LRMDA: variants seen among roughly 807,000 people sequenced by gnomAD.
The protein encoded by LRMDA is leucine rich melanocyte differentiation associated, also known as leucine-rich melanocyte differentiation-associated protein.
Under a neutral mutation model 29.8 loss-of-function variants are expected in LRMDA, and 18 were observed. That is an observed-to-expected ratio of 0.60 (90% CI 0.42 to 0.90). The LOEUF is 0.90. Ranked by LOEUF, LRMDA falls within the 40% of genes least tolerant of loss-of-function variation. LRMDA has a pLI of 0.00. For missense variants in LRMDA, 273 were observed against 273.9 expected, an observed-to-expected ratio of 1.00 and a Z score of 0.02; for synonymous variants, 125 against 109.4, an observed-to-expected ratio of 1.14 and a Z score of -0.89.
At position 76,169,356 on chromosome 10, in the gene LRMDA, T is replaced by C. The variant is rs1381353759; in HGVS notation, c.516+110573T>C. On this transcript the variant is annotated intron_variant, in intron 5 of 6. Coordinates refer to ENST00000611255, the MANE Select transcript of LRMDA (RefSeq NM_001305581.2). ...ACATTTTTAAATACTCTTTTAGCCA[T>C]GGTCTTGGGAGCCCCTGAAATATTC... Among the ~76,000 whole-genome samples the C allele has an allele frequency of 2.0e-5, 3 of 152,322 alleles. No individual in the cohort carries two copies. The East Asian group carries it at 5.8e-4, about 29-fold the overall frequency.
At chr10:76,521,917 C>A (rs1843125413) in intron 6 of LRMDA, among the ~76,000 whole-genome samples, 1 of 152,056 alleles carries the variant, frequency 6.6e-6, no homozygotes, top group African/African-American at 2.4e-5. Flanking sequence ...CAATATCTCC[C>A]CAAAAGTGTG....
intron 6 of LRMDA, among the ~76,000 whole-genome samples, chr10:76,508,380 C>T (rs1010544822): frequency 6.6e-6 from 1 of 152,160 alleles, no homozygotes; most frequent in South Asian, 2.1e-4. Context: ...ATTTTCTACT[C>T]TCATCACTTC....
At chr10:76,034,236 A>G (rs1589296804) in intron 2 of LRMDA, among the ~76,000 whole-genome samples, 1 of 151,794 alleles carries the variant, frequency 6.6e-6, no homozygotes, top group East Asian at 2.0e-4. Context: ...GTAGATATTT[A>G]TGGGTCACAT....
At chr10:76,169,081 C>A (rs1564673536) in intron 5 of LRMDA, among the ~76,000 whole-genome samples, 1 of 152,158 alleles carries the variant, frequency 6.6e-6, no homozygotes, top group Non-Finnish European at 1.5e-5. Context: ...GAAAATCAGT[C>A]TTTCTTTCCT....
At chr10:76,119,313 G>A (rs1345873223) in intron 5 of LRMDA, among the ~76,000 whole-genome samples, 2 of 152,132 alleles carry the variant, frequency 1.3e-5, no homozygotes, top group Non-Finnish European at 2.9e-5. Flanking sequence ...TGGCAGGGCA[G>A]CATAGATTGC....
In LRMDA at chr10:76,422,738, G is replaced by T. The variant is rs1371012258; in HGVS notation, c.601+98253G>T. On this transcript the variant is annotated intron_variant, in intron 6 of 6. Transcript: ENST00000611255. ...TTTGATGGAAATAACTATTTTGGAA[G>T]AATAGAAGTGAAAGGTTTGCTGTTG... Among the ~76,000 whole-genome samples, 8 of 152,196 alleles carry T rather than the reference G, an allele frequency of 5.3e-5. No individual in the cohort carries two copies. The South Asian group carries it at 1.2e-3, about 24-fold the overall frequency.
At chr10:76,243,595 C>T (rs1268624007) in intron 5 of LRMDA, among the ~76,000 whole-genome samples, 4 of 152,138 alleles carry the variant, frequency 2.6e-5, no homozygotes, top group Non-Finnish European at 4.4e-5. Context: ...CTTAAGCTTC[C>T]ACTTGGTCAC....
chr10:75,450,980 A>G (rs531365677), intron 2 of LRMDA: 3 of 152,364 alleles, frequency 2.0e-5, no homozygotes, highest in African/African-American at 7.2e-5. Context: ...GTTTCTGGGG[A>G]GACACTAGCA....
chr10:75,811,482 C>G (rs564694051), intron 2 of LRMDA, among the ~76,000 whole-genome samples: 2 of 152,192 alleles, frequency 1.3e-5, no homozygotes, highest in Non-Finnish European at 2.9e-5. Context: ...GGGCACATTA[C>G]TAAATCTTGC....
chr10:76,354,544 T>C (rs1294538701), intron 6 of LRMDA, among the ~76,000 whole-genome samples: 1 of 152,196 alleles, frequency 6.6e-6, no homozygotes, highest in Non-Finnish European at 1.5e-5. Context: ...CAATCTTCTG[T>C]TCGTTGACAG....
intron 2 of LRMDA, among the ~76,000 whole-genome samples, chr10:75,605,964 C>G (rs545736999): frequency 2.6e-5 from 4 of 152,188 alleles, no homozygotes; most frequent in Admixed American, 1.3e-4. Context: ...CTCAGATGCT[C>G]TTCCTACCTT....
chr10:75,779,011 C>T (rs1205445076), intron 2 of LRMDA, among the ~76,000 whole-genome samples: 1 of 152,146 alleles, frequency 6.6e-6, no homozygotes, highest in East Asian at 1.9e-4. Context: ...TTTAATCCTC[C>T]CAGCTAGCCT....
chr10:76,532,783 G>A (rs1169553414), intron 6 of LRMDA, among the ~76,000 whole-genome samples: 1 of 152,152 alleles, frequency 6.6e-6, no homozygotes, highest in Non-Finnish European at 1.5e-5. Context: ...GCTTTTCCTA[G>A]GGTTAGAACC....
intron 2 of LRMDA, among the ~76,000 whole-genome samples, chr10:75,817,709 A>T (rs1463987509): frequency 6.6e-6 from 1 of 152,212 alleles, no homozygotes; most frequent in Non-Finnish European, 1.5e-5. Context: ...AGCTAAAGGA[A>T]AATAAGCGTT....
At chr10:75,487,364 T>A (rs932788040) in intron 2 of LRMDA, among the ~76,000 whole-genome samples, 3 of 152,142 alleles carry the variant, frequency 2.0e-5, no homozygotes, top group African/African-American at 7.2e-5. Flanking sequence ...TGCTTTCTGT[T>A]GTTAGATGGA....
chr10:76,266,526 T>A (rs1034800515), intron 5 of LRMDA, among the ~76,000 whole-genome samples: 3 of 152,212 alleles, frequency 2.0e-5, no homozygotes, highest in African/African-American at 7.2e-5. Context: ...ATTTAGTTCT[T>A]GCAATACCTG....
At chr10:75,976,371 A>C (rs1435767005) in intron 2 of LRMDA, among the ~76,000 whole-genome samples, 3 of 152,234 alleles carry the variant, frequency 2.0e-5, no homozygotes, top group Non-Finnish European at 4.4e-5. Flanking sequence ...GAACACTCAT[A>C]TAACCCACTT....
intron 5 of LRMDA, among the ~76,000 whole-genome samples, chr10:76,221,303 A>G (rs1851830223): frequency 6.6e-6 from 1 of 152,238 alleles, no homozygotes; most frequent in Non-Finnish European, 1.5e-5. Flanking sequence ...AATAAAGGGT[A>G]TTCAATTAGG....
chr10:75,491,767 TCTC>T (rs1844990803), intron 2 of LRMDA, among the ~76,000 whole-genome samples: 2 of 152,166 alleles, frequency 1.3e-5, no homozygotes, highest in South Asian at 2.1e-4. Flanking sequence ...TGTGCTGTCT[TCTC>T]CTCTGTCTTC....
Sources: gnomAD v4.1 joint callset for allele counts (sites outside exome capture counted in the v4.1 genomes callset) on GRCh38, gnomAD v4.1.1 for gene constraint, MANE v1.5 for transcripts, NCBI Gene and HGNC (gene_info 2026-07-23, HGNC 2026-07-21) for gene names.